ADGRL2: variants seen among roughly 807,000 people sequenced by gnomAD.
ADGRL2 encodes calcium-independent alpha-latrotoxin receptor 2.
ADGRL2 carries 44 observed loss-of-function variants against 157.4 expected under a neutral mutation model. The observed-to-expected ratio is 0.28, with a 90% CI of 0.22 to 0.36. The LOEUF (loss-of-function observed/expected upper bound fraction) is 0.36. ADGRL2 is among the 10% of genes least tolerant of loss of function. The pLI is 1.00. For synonymous variants in ADGRL2, 585 were observed against 624.7 expected (o/e 0.94, Z 0.95); for missense variants, 1,510 against 1,768.9 (o/e 0.85, Z 2.63).
intron 1 of ADGRL2, among the ~76,000 whole-genome samples, chr1:81,332,507 A>C (rs770287133): frequency 6.6e-5 from 10 of 152,196 alleles, no homozygotes; most frequent in Non-Finnish European, 1.3e-4. Flanking sequence ...AGCAGTATCT[A>C]TGTTCCAAGA....
At chr1:81,625,134 G>T (rs918801788) in intron 3 of ADGRL2, among the ~76,000 whole-genome samples, 1 of 152,180 alleles carries the variant, frequency 6.6e-6, no homozygotes, top group Non-Finnish European at 1.5e-5. Context: ...AGACTCGGGA[G>T]AGTGAAATGA....
At chr1:81,948,295 A>T (rs953461913) in intron 6 of ADGRL2, among the ~76,000 whole-genome samples, 1 of 151,816 alleles carries the variant, frequency 6.6e-6, no homozygotes, top group Non-Finnish European at 1.5e-5. Flanking sequence ...ACATGGCTGT[A>T]GAATGTTGCA....
intron 1 of ADGRL2, among the ~76,000 whole-genome samples, chr1:81,806,188 A>G (rs1375787731): frequency 2.0e-5 from 3 of 152,106 alleles, no homozygotes; most frequent in African/African-American, 7.2e-5. Flanking sequence ...TCCAATAAGT[A>G]TAATTTTTTC....
intron 3 of ADGRL2, among the ~76,000 whole-genome samples, chr1:81,677,007 T>TC (rs2083008343): frequency 1.3e-5 from 2 of 148,660 alleles, no homozygotes; most frequent in Non-Finnish European, 3.0e-5. Flanking sequence ...TTTTTTTTTT[T>TC]CAGAGTTTCG....
Position 81,942,476 on chromosome 1 carries a change from G to A in ADGRL2, c.409+431G>A, listed in dbSNP as rs560221067. On this transcript the variant is annotated intron_variant, in intron 5 of 23. Transcript: ENST00000686636. ...AAATACTTATGTTCCTCAAATTGAAGCACCTTTGTTTTCAGTCTAACTTAT... is the reference window on the plus strand; with the variant it reads ...AAATACTTATGTTCCTCAAATTGAAACACCTTTGTTTTCAGTCTAACTTAT... 1.8e-4 allele frequency among the ~76,000 whole-genome samples: 28 copies of A among 151,864 alleles called. 1 individual carries two copies. The highest frequency in any genetic ancestry group is 4.8e-4 in the African/African-American group (20 of 41,462).
At position 81,523,559 on chromosome 1, in the gene ADGRL2, A is replaced by G. The variant is rs537704542; in HGVS notation, c.-247-57317A>G. Reference sequence around the variant, plus strand: ...AAGGAAATGTACAGCTATCTCATAGAAAAGAAAATACATTTAAATAAAACA... The same window carrying G: ...AAGGAAATGTACAGCTATCTCATAGGAAAGAAAATACATTTAAATAAAACA... On this transcript the variant is annotated intron_variant, in intron 2 of 24. Coordinates refer to the ADGRL2 transcript ENST00000370721. 8.5e-5 allele frequency among the ~76,000 whole-genome samples: 13 copies of G among 152,320 alleles called. No individual in the cohort carries two copies. In the East Asian group the frequency reaches 2.3e-3, roughly 27 times the overall value.
chr1:81,350,271 A>G (rs528165263), intron 1 of ADGRL2, among the ~76,000 whole-genome samples: 1 of 152,324 alleles, frequency 6.6e-6, no homozygotes, highest in East Asian at 1.9e-4. Flanking sequence ...TAAATGATAC[A>G]GTGATTCACT....
At chr1:81,316,921 G>GC (rs1660145446) in intron 1 of ADGRL2, among the ~76,000 whole-genome samples, 1 of 152,176 alleles carries the variant, frequency 6.6e-6, no homozygotes. Flanking sequence ...CATCTAGGGA[G>GC]CAATGTTGGG....
rs146928181 is a variant in ADGRL2 at position 81,392,837 on chromosome 1, G to T, written c.-301-52199G>T. On this transcript the variant is annotated intron_variant, in intron 1 of 24. Transcript: ENST00000370721. ...TCTAGTATAGACTGTATCTATCACT[G>T]AGTTACAAAATCTCCTGCAAAATCT... Among the ~76,000 whole-genome samples, 598 of 152,094 alleles carry T rather than the reference G, an allele frequency of 3.9e-3. 5 individuals carry two copies. The highest frequency in any genetic ancestry group is 0.013 in the African/African-American group (544 of 41,502).
chr1:81,777,449 A>T (rs1185457438), intron 2 of ADGRL2, among the ~76,000 whole-genome samples: 1 of 152,182 alleles, frequency 6.6e-6, no homozygotes, highest in Non-Finnish European at 1.5e-5. Context: ...CAAAAGATGT[A>T]TTTTTAGAGT....
chr1:81,952,032 G>C lies in ADGRL2; in HGVS notation c.1684G>C (p.Asp562His). Reference protein sequence around the residue: ...KHTKGPVFAGDVSSSVRLMEQ... With the variant: ...KHTKGPVFAGHVSSSVRLMEQ... The stretch of plus-strand genomic sequence containing the variant: ...TACCAAAGGGCCAGTGTTTGCTGGG[G>C]ATGTAAGTTCTTCAGTGAGATTGAT... The change falls in exon 9 of 24, where the codon GAT becomes CAT. Residue 562 changes from aspartate to histidine, a missense_variant. Asp to His is a moderately conservative substitution (Grantham distance 81, BLOSUM62 -1). Transcript: ENST00000686636. The C allele has an allele frequency of 6.2e-7, 1 of 1,613,758 alleles. No individual in the cohort carries two copies. The highest frequency in any genetic ancestry group is 1.1e-5 in the South Asian group (1 of 91,058).
intron 2 of ADGRL2, among the ~76,000 whole-genome samples, chr1:81,506,714 G>GAACAAAACAAAACAA (rs201035324): frequency 3.2e-4 from 45 of 140,318 alleles, no homozygotes; most frequent in Middle Eastern, 3.5e-3. Context: ...AGTCTCAAAA[G>GAACAAAACAAAACAA]AACAAAACAA....
At chr1:81,553,846 G>A (rs537239324) in intron 2 of ADGRL2, among the ~76,000 whole-genome samples, 1 of 152,294 alleles carries the variant, frequency 6.6e-6, no homozygotes, top group African/African-American at 2.4e-5. Context: ...GCCAGAGAGA[G>A]GCAAAAGCTA....
At chr1:81,415,143 A>C (rs2077011613) in intron 1 of ADGRL2, among the ~76,000 whole-genome samples, 1 of 152,234 alleles carries the variant, frequency 6.6e-6, no homozygotes, top group South Asian at 2.1e-4. Context: ...TGGAAATTAT[A>C]ACTCTTTTAA....
intron 3 of ADGRL2, among the ~76,000 whole-genome samples, chr1:81,921,282 T>G (rs2094972154): frequency 6.6e-6 from 1 of 152,204 alleles, no homozygotes; most frequent in Admixed American, 6.5e-5. Context: ...TTATAATACT[T>G]TTTGCAAATA....
At chr1:81,548,443 T>A (rs1458074035) in intron 2 of ADGRL2, among the ~76,000 whole-genome samples, 1 of 151,726 alleles carries the variant, frequency 6.6e-6, no homozygotes, top group Non-Finnish European at 1.5e-5. Context: ...CGCTTCAGTA[T>A]GAAAAACTTG....
At chr1:81,603,448 A>C (rs1370348363) in intron 3 of ADGRL2, among the ~76,000 whole-genome samples, 1 of 152,234 alleles carries the variant, frequency 6.6e-6, no homozygotes, top group African/African-American at 2.4e-5. Flanking sequence ...GCTATGTAGT[A>C]AATCTCTTTC....
At chr1:81,526,727 C>T (rs993103977) in intron 2 of ADGRL2, among the ~76,000 whole-genome samples, 27 of 152,144 alleles carry the variant, frequency 1.8e-4, no homozygotes, top group Admixed American at 1.8e-3. Context: ...AATATGCCTA[C>T]CTTGCTATTA....
chr1:81,660,074 C>T, intron 3 of ADGRL2, among the ~76,000 whole-genome samples: 1 of 152,034 alleles, frequency 6.6e-6, no homozygotes, highest in East Asian at 1.9e-4. Flanking sequence ...TGTTTTCTTC[C>T]CTTCAAGCAG....
Sources: allele counts gnomAD v4.1 joint callset (sites outside exome capture counted in the v4.1 genomes callset), GRCh38; gene constraint gnomAD v4.1.1; transcripts MANE v1.5; gene names NCBI Gene and HGNC (gene_info 2026-07-23, HGNC 2026-07-21).